Variants in CADM2 observed in about 807,000 individuals in gnomAD.
CADM2 encodes the protein immunoglobulin superfamily member 4D.
CADM2 carries 12 observed loss-of-function variants against 49.8 expected under a neutral mutation model. The ratio of observed to expected loss-of-function variants is 0.24; its 90% confidence interval spans 0.15 to 0.39. The LOEUF (loss-of-function observed/expected upper bound fraction) is 0.39, where lower values mean the gene tolerates loss of function less well. Ranked by LOEUF, CADM2 falls within the 10% of genes least tolerant of loss-of-function variation. The pLI is 1.00. For missense variants in CADM2, 378 were observed against 492.3 expected, an observed-to-expected ratio of 0.77 and a Z score of 2.20; for synonymous variants, 214 against 175.4, an observed-to-expected ratio of 1.22 and a Z score of -1.74.
At chr3:85,955,299 C>G (rs369037157) in intron 7 of CADM2, among the ~76,000 whole-genome samples, 18 of 151,258 alleles carry the variant, frequency 1.2e-4, no homozygotes, top group African/African-American at 4.1e-4. Context: ...AAAGGCAGCA[C>G]GAATCCCAAG....
At chr3:85,049,797 C>T (rs1049096168) in intron 1 of CADM2, among the ~76,000 whole-genome samples, 1 of 152,082 alleles carries the variant, frequency 6.6e-6, no homozygotes, top group Non-Finnish European at 1.5e-5. Context: ...TTCCTGAAAA[C>T]TAATAATATG....
At chr3:85,499,422 C>T (rs1417642938) in intron 1 of CADM2, among the ~76,000 whole-genome samples, 1 of 151,900 alleles carries the variant, frequency 6.6e-6, no homozygotes, top group African/African-American at 2.4e-5. Context: ...CAAATTGTCT[C>T]AATTATAAAC....
chr3:85,732,456 A>G (rs1049376786), intron 2 of CADM2, among the ~76,000 whole-genome samples: 1 of 152,182 alleles, frequency 6.6e-6, no homozygotes, highest in Non-Finnish European at 1.5e-5. Context: ...TCTGTAACAC[A>G]TATTTCATTT....
chr3:85,938,328 T>C (rs113490684), intron 7 of CADM2, among the ~76,000 whole-genome samples: 1,702 of 152,164 alleles, frequency 0.011, 36 homozygotes, highest in African/African-American at 0.037. Context: ...AGAAAAGTCT[T>C]ACCAGAGTAA....
intron 1 of CADM2, among the ~76,000 whole-genome samples, chr3:85,374,905 G>C (rs984554046): frequency 2.0e-5 from 3 of 151,956 alleles, no homozygotes; most frequent in Non-Finnish European, 4.4e-5. Flanking sequence ...GATTTGGGTG[G>C]GGACACAGCG....
intron 2 of CADM2, among the ~76,000 whole-genome samples, chr3:85,744,129 C>T (rs1406039083): frequency 6.6e-6 from 1 of 152,034 alleles, no homozygotes; most frequent in African/African-American, 2.4e-5. Context: ...TGAGACATGC[C>T]TAGTGGTAGG....
At chr3:86,009,798 T>C (rs954446122) in intron 8 of CADM2, among the ~76,000 whole-genome samples, 1 of 151,790 alleles carries the variant, frequency 6.6e-6, no homozygotes, top group African/African-American at 2.4e-5. Context: ...ATAATATATA[T>C]TTTAATTTAT....
intron 1 of CADM2, among the ~76,000 whole-genome samples, chr3:85,579,390 C>T (rs2062729446): frequency 6.6e-6 from 1 of 152,122 alleles, no homozygotes; most frequent in Non-Finnish European, 1.5e-5. Context: ...TAGTTTACGA[C>T]CTAACCATTT....
intron 8 of CADM2, among the ~76,000 whole-genome samples, chr3:86,036,495 T>C (rs1735180701): frequency 6.6e-6 from 1 of 152,122 alleles, no homozygotes; most frequent in Admixed American, 6.6e-5. Flanking sequence ...ATAGTGAAAA[T>C]GGAAAATCAT....
intron 8 of CADM2, chr3:85,979,315 A>T: frequency 6.2e-7 from 1 of 1,604,206 alleles, no homozygotes; most frequent in Non-Finnish European, 8.5e-7. Flanking sequence ...TAGCCTGGAA[A>T]GCACATTAAC....
At chr3:85,339,506 AT>A (rs1482096846) in intron 1 of CADM2, among the ~76,000 whole-genome samples, 1 of 151,172 alleles carries the variant, frequency 6.6e-6, no homozygotes, top group Non-Finnish European at 1.5e-5. Flanking sequence ...TTAGATCATA[AT>A]TTTTCTGTGC....
chr3:85,809,209 A>T (rs915417851), intron 3 of CADM2, among the ~76,000 whole-genome samples: 4 of 152,204 alleles, frequency 2.6e-5, no homozygotes, highest in African/African-American at 9.6e-5. Context: ...ACAATACTAT[A>T]CAGTAGGCAT....
intron 1 of CADM2, among the ~76,000 whole-genome samples, chr3:85,352,241 G>A (rs1026026084): frequency 8.6e-5 from 13 of 151,900 alleles, no homozygotes; most frequent in African/African-American, 2.2e-4. Flanking sequence ...TATACATACC[G>A]ATTGTGTTGT....
chr3:85,977,128 T>C (rs562243406), intron 8 of CADM2, among the ~76,000 whole-genome samples: 90 of 151,102 alleles, frequency 6.0e-4, no homozygotes, highest in African/African-American at 2.1e-3. Flanking sequence ...ACTACTATAA[T>C]AATAATAATT....
chr3:85,633,748 A>T (rs1210129834), intron 1 of CADM2, among the ~76,000 whole-genome samples: 1 of 152,074 alleles, frequency 6.6e-6, no homozygotes, highest in African/African-American at 2.4e-5. Flanking sequence ...ATTTCCATAA[A>T]AGTAACAAAT....
chr3:85,345,331 AAAAG>A (rs1553711631), intron 1 of CADM2, among the ~76,000 whole-genome samples: 4 of 150,118 alleles, frequency 2.7e-5, no homozygotes, highest in Non-Finnish European at 5.9e-5. Context: ...AAAAAAAAAA[AAAAG>A]AAAGAAAGAA....
chr3:85,824,375 T>A (rs966325503), intron 3 of CADM2, among the ~76,000 whole-genome samples: 1 of 152,028 alleles, frequency 6.6e-6, no homozygotes, highest in African/African-American at 2.4e-5. Context: ...TAGTGTAAAC[T>A]TGTGTGGGAA....
chr3:85,347,634 T>C, intron 1 of CADM2, among the ~76,000 whole-genome samples: 1 of 49,206 alleles, frequency 2.0e-5, no homozygotes, highest in Admixed American at 2.8e-4. Context: ...TATATAAATA[T>C]ATATACATAT....
chr3:85,180,361 T>G (rs2040899367), intron 1 of CADM2, among the ~76,000 whole-genome samples: 2 of 151,720 alleles, frequency 1.3e-5, no homozygotes, highest in African/African-American at 2.4e-5. Flanking sequence ...ATTTAAAAAT[T>G]AGCCAGGCTT....
Sources: gnomAD v4.1 joint callset for allele counts (sites outside exome capture counted in the v4.1 genomes callset) on GRCh38, gnomAD v4.1.1 for gene constraint, MANE v1.5 for transcripts, NCBI Gene and HGNC (gene_info 2026-07-23, HGNC 2026-07-21) for gene names.